STAU2: variants seen among roughly 807,000 people sequenced by gnomAD.
The protein encoded by STAU2 is double-stranded RNA-binding protein Staufen homolog 2.
In STAU2, 20 loss-of-function variants were observed where a neutral mutation model predicts 65.9. The ratio of observed to expected loss-of-function variants is 0.30; its 90% confidence interval spans 0.21 to 0.44. The LOEUF (loss-of-function observed/expected upper bound fraction) is 0.44. STAU2 is among the 20% of genes least tolerant of loss of function. The probability of loss-of-function intolerance (pLI) is 1.00; values close to 1 mark genes in which losing one functional copy is unlikely to be tolerated. For synonymous variants in STAU2, 232 were observed against 233.9 expected (o/e 0.99, Z 0.07); for missense variants, 558 against 683.9 (o/e 0.82, Z 2.05).
chr8:73,690,701 T>C (rs569783565), intron 4 of STAU2, among the ~76,000 whole-genome samples: 5 of 152,166 alleles, frequency 3.3e-5, no homozygotes, highest in Non-Finnish European at 7.3e-5. Flanking sequence ...GATCGGTGAA[T>C]CTAAACCATA....
At chr8:73,710,033 C>G (rs544684767) in intron 3 of STAU2, among the ~76,000 whole-genome samples, 44 of 152,228 alleles carry the variant, frequency 2.9e-4, no homozygotes, top group Middle Eastern at 6.8e-3. Flanking sequence ...ATCCACTCCT[C>G]TACTGAGACA....
At chr8:73,468,575 C>T (rs1365138981) in intron 13 of STAU2, among the ~76,000 whole-genome samples, 2 of 152,136 alleles carry the variant, frequency 1.3e-5, no homozygotes, top group Admixed American at 1.3e-4. Flanking sequence ...GGGCTAATAT[C>T]CAGAATCTAC....
intron 13 of STAU2, among the ~76,000 whole-genome samples, chr8:73,484,019 C>T (rs1212762831): frequency 6.6e-6 from 1 of 152,228 alleles, no homozygotes; most frequent in Non-Finnish European, 1.5e-5. Context: ...TAGTCATATC[C>T]GGAGTTAGTC....
chr8:73,640,009 A>G (rs1176778575), intron 6 of STAU2, among the ~76,000 whole-genome samples: 3 of 152,156 alleles, frequency 2.0e-5, no homozygotes, highest in Admixed American at 1.3e-4. Context: ...TAAATCCAGT[A>G]AGAATAACAT....
At chr8:73,641,405 A>G (rs1191153520) in intron 6 of STAU2, among the ~76,000 whole-genome samples, 1 of 152,194 alleles carries the variant, frequency 6.6e-6, no homozygotes, top group Non-Finnish European at 1.5e-5. Context: ...TTCATAGTTA[A>G]CACTGTTTCA....
intron 6 of STAU2, among the ~76,000 whole-genome samples, chr8:73,629,354 T>G (rs1437555090): frequency 6.6e-6 from 1 of 152,212 alleles, no homozygotes; most frequent in South Asian, 2.1e-4. Flanking sequence ...AAAATTATAA[T>G]TAAAAATCTA....
At chr8:73,432,688 C>T (rs1000798121) in intron 13 of STAU2, among the ~76,000 whole-genome samples, 8 of 152,144 alleles carry the variant, frequency 5.3e-5, no homozygotes, top group Non-Finnish European at 1.2e-4. Flanking sequence ...CTTGAGTTAA[C>T]CCACTTGCTG....
chr8:73,741,746 C>T (rs1184327789), intron 1 of STAU2, among the ~76,000 whole-genome samples: 1 of 152,170 alleles, frequency 6.6e-6, no homozygotes, highest in Non-Finnish European at 1.5e-5. Context: ...CTCCTGGCCT[C>T]GGGTGATCCA....
At chr8:73,672,257 A>T (rs1388244036) in intron 6 of STAU2, 3 of 152,208 alleles carry the variant, frequency 2.0e-5, no homozygotes, top group African/African-American at 7.2e-5. Flanking sequence ...ATGCACATAA[A>T]TACTGTATGA....
intron 1 of STAU2, among the ~76,000 whole-genome samples, chr8:73,742,569 A>G (rs1016180388): frequency 6.6e-6 from 1 of 151,892 alleles, no homozygotes; most frequent in East Asian, 1.9e-4. Context: ...CACCTCCTCT[A>G]TCACAAAAGT....
intron 10 of STAU2, among the ~76,000 whole-genome samples, chr8:73,600,274 T>A (rs1199922345): frequency 6.6e-6 from 1 of 152,252 alleles, no homozygotes; most frequent in African/African-American, 2.4e-5. Context: ...AACATATTCA[T>A]TACAGAATTT....
intron 3 of STAU2, among the ~76,000 whole-genome samples, chr8:73,711,787 C>T (rs1308186159): frequency 1.3e-5 from 2 of 152,100 alleles, no homozygotes; most frequent in African/African-American, 4.8e-5. Context: ...TCCAATAACA[C>T]ATTTTAATGG....
intron 6 of STAU2, among the ~76,000 whole-genome samples, chr8:73,644,811 A>G (rs891880408): frequency 6.6e-6 from 1 of 152,226 alleles, no homozygotes; most frequent in African/African-American, 2.4e-5. Context: ...ACTAAGATCA[A>G]TTCTACACAC....
At chr8:73,603,893 A>T in intron 9 of STAU2, 30 bp from the exon 10 acceptor site, 2 of 1,577,428 alleles carry the variant, frequency 1.3e-6, no homozygotes, top group Non-Finnish European at 1.7e-6. Flanking sequence ...AAAGTTTTAA[A>T]ATATGCTTGT....
chr8:73,471,836 A>AAAAAAAAAAG (rs1554594418), intron 13 of STAU2, among the ~76,000 whole-genome samples: 4 of 145,732 alleles, frequency 2.7e-5, no homozygotes, highest in Non-Finnish European at 3.0e-5. Context: ...AAAAAAAAAA[A>AAAAAAAAAAG]AGAGAGAAGA....
chr8:73,721,783 T>G (rs1452405537), intron 3 of STAU2, among the ~76,000 whole-genome samples: 4 of 152,230 alleles, frequency 2.6e-5, no homozygotes, highest in Admixed American at 2.6e-4. Context: ...ACTTTTAACC[T>G]GTTTGTTTAC....
intron 3 of STAU2, among the ~76,000 whole-genome samples, chr8:73,710,326 G>A (rs1377798680): frequency 2.0e-5 from 3 of 150,062 alleles, no homozygotes; most frequent in East Asian, 1.9e-4. Context: ...CTGGGTTCAA[G>A]CTATTTTCCC....
chr8:73,471,160 A>G (rs1386222945), intron 13 of STAU2, among the ~76,000 whole-genome samples: 4 of 144,542 alleles, frequency 2.8e-5, no homozygotes, highest in African/African-American at 1.0e-4. Context: ...ATTTTCTGAC[A>G]TTCTAATTCT....
intron 6 of STAU2, chr8:73,652,767 C>T (rs545707986): frequency 6.6e-6 from 1 of 151,242 alleles, no homozygotes; most frequent in South Asian, 2.1e-4. Flanking sequence ...TTCCAAGCAA[C>T]CAAAGTACTT....
Sources: allele counts gnomAD v4.1 joint callset (sites outside exome capture counted in the v4.1 genomes callset), GRCh38; gene constraint gnomAD v4.1.1; transcripts MANE v1.5; gene names NCBI Gene and HGNC (gene_info 2026-07-23, HGNC 2026-07-21).